The following NAV2 variants were observed in gnomAD, a reference collection of about 807,000 sequenced individuals.
NAV2 encodes the protein neuron navigator 2, also known as helicase, APC down-regulated 1.
Under a neutral mutation model 223.2 loss-of-function variants are expected in NAV2, and 54 were observed. That is an observed-to-expected ratio of 0.24 (90% CI 0.19 to 0.30). The LOEUF (loss-of-function observed/expected upper bound fraction) is 0.30. NAV2 is among the 10% of genes least tolerant of loss of function. The pLI, the probability that NAV2 is intolerant of heterozygous loss-of-function variation, is 1.00. For missense variants in NAV2, 2,806 were observed against 3,147.5 expected (o/e 0.89, Z 2.60); for synonymous variants, 1,279 against 1,239.3 (o/e 1.03, Z -0.67).
chr11:20,061,895 C>A (rs1426085363), intron 19 of NAV2, among the ~76,000 whole-genome samples: 1 of 151,942 alleles, frequency 6.6e-6, no homozygotes, highest in Admixed American at 6.6e-5. Flanking sequence ...CAGTCTTAAC[C>A]CTAAAGGAAT....
intron 1 of NAV2, among the ~76,000 whole-genome samples, chr11:19,379,264 G>A (rs1241175851): frequency 6.6e-6 from 1 of 152,156 alleles, no homozygotes; most frequent in Non-Finnish European, 1.5e-5. Context: ...CTGGTGACTG[G>A]GCGTGGGGTC....
intron 1 of NAV2, among the ~76,000 whole-genome samples, chr11:19,641,778 C>T (rs2047674400): frequency 6.6e-6 from 1 of 152,104 alleles, no homozygotes; most frequent in African/African-American, 2.4e-5. Context: ...TCTGTGCTTA[C>T]CCTGTCCACA....
intron 1 of NAV2, among the ~76,000 whole-genome samples, chr11:19,812,581 A>G (rs971853165): frequency 2.0e-5 from 3 of 152,084 alleles, no homozygotes; most frequent in Non-Finnish European, 4.4e-5. Context: ...AATAATTACA[A>G]GAGTAATGAG....
chr11:19,415,609 C>T (rs1359034430), intron 1 of NAV2, among the ~76,000 whole-genome samples: 2 of 152,182 alleles, frequency 1.3e-5, no homozygotes, highest in African/African-American at 4.8e-5. Flanking sequence ...CCAGCATCAT[C>T]CTGATACCAA....
intron 20 of NAV2, among the ~76,000 whole-genome samples, chr11:20,067,644 A>ATT (rs11371990): frequency 0.021 from 2,744 of 129,198 alleles, 116 homozygotes; most frequent in African/African-American, 0.069. Flanking sequence ...CACCCGGCTA[A>ATT]TTTTTTTTTT....
intron 11 of NAV2, among the ~76,000 whole-genome samples, chr11:19,985,191 GC>G (rs2050672438): frequency 1.3e-5 from 2 of 152,220 alleles, no homozygotes; most frequent in African/African-American, 4.8e-5. Context: ...TTTACAAAGA[GC>G]TAAGTGACTT....
At chr11:20,105,846 A>T in intron 35 of NAV2, 119 bp downstream of exon 35, 1 of 803,284 alleles carries the variant, frequency 1.2e-6, no homozygotes, top group Non-Finnish European at 2.0e-6. Flanking sequence ...GTCCATAAAG[A>T]TAGAAAGTGG....
intron 1 of NAV2, among the ~76,000 whole-genome samples, chr11:19,641,372 T>G (rs2047659138): frequency 6.6e-6 from 1 of 152,048 alleles, no homozygotes; most frequent in Non-Finnish European, 1.5e-5. Flanking sequence ...CCACTGCTAC[T>G]CCCTTAGTCC....
At position 20,120,347 on chromosome 11, in the gene NAV2, G is replaced by A. The variant is rs1221784911; in HGVS notation, c.*2089G>A. The stretch of plus-strand genomic sequence containing the variant: ...GCCTTCATTAGTCATCTGGGTGTGA[G>A]TGTGTCTTGTTCTGTTTTTCTTTTT... On this transcript the variant is annotated 3_prime_UTR_variant, in exon 38 of 38. Coordinates refer to ENST00000349880, the MANE Select transcript of NAV2 (RefSeq NM_145117.5). The A allele has an allele frequency of 1.3e-5, 2 of 152,454 alleles. No homozygotes were observed. Among genetic ancestry groups the A allele is most frequent in the African/African-American group, 4.8e-5 (2 of 41,448 alleles). 9.4% of individuals were successfully genotyped at this position (152,454 alleles called of 1,614,324 possible). A position where few individuals can be genotyped will look rare whatever the true frequency, so the allele number is the denominator to read the frequency against.
At chr11:19,705,889 A>G (rs2049647820) in intron 1 of NAV2, among the ~76,000 whole-genome samples, 1 of 152,136 alleles carries the variant, frequency 6.6e-6, no homozygotes, top group African/African-American at 2.4e-5. Context: ...AACCGCTCCC[A>G]GGAAATGGAA....
chr11:19,492,252 A>G (rs2042654275), intron 1 of NAV2, among the ~76,000 whole-genome samples: 1 of 152,096 alleles, frequency 6.6e-6, no homozygotes, highest in Non-Finnish European at 1.5e-5. Context: ...TTTGCTAGAC[A>G]TAGGGTTGCC....
chr11:19,500,305 C>T (rs2042925291), intron 1 of NAV2, among the ~76,000 whole-genome samples: 1 of 152,166 alleles, frequency 6.6e-6, no homozygotes, highest in African/African-American at 2.4e-5. Context: ...TGAGCTGAGC[C>T]ACAGCCAGCA....
At chr11:19,352,076 T>G (rs1853359404) in intron 1 of NAV2, among the ~76,000 whole-genome samples, 1 of 152,114 alleles carries the variant, frequency 6.6e-6, no homozygotes, top group African/African-American at 2.4e-5. Context: ...ATAAACATTT[T>G]ATAAATATTG....
chr11:19,939,824 C>A, intron 8 of NAV2, 51 bp downstream of exon 8: 2 of 1,328,696 alleles, frequency 1.5e-6, no homozygotes, highest in South Asian at 1.2e-5. Context: ...AGGCCTTCCA[C>A]GCAATACCTG....
intron 1 of NAV2, among the ~76,000 whole-genome samples, chr11:19,610,970 A>G (rs1438215985): frequency 6.6e-6 from 1 of 152,184 alleles, no homozygotes; most frequent in Non-Finnish European, 1.5e-5. Context: ...GGACTGTATT[A>G]GTCTGTTTTC....
At chr11:20,081,202 G>A (rs528253234) in intron 25 of NAV2, among the ~76,000 whole-genome samples, 1 of 152,256 alleles carries the variant, frequency 6.6e-6, no homozygotes, top group South Asian at 2.1e-4. Context: ...AGCCAGTCTA[G>A]TGTGACCCTC....
intron 1 of NAV2, among the ~76,000 whole-genome samples, chr11:19,685,568 A>C (rs2049000763): frequency 6.6e-6 from 1 of 152,162 alleles, no homozygotes; most frequent in Non-Finnish European, 1.5e-5. Context: ...TTCTGCAAAG[A>C]TGAATTTAGT....
intron 37 of NAV2, among the ~76,000 whole-genome samples, chr11:20,115,129 C>A (rs2062949163): frequency 6.8e-6 from 1 of 146,832 alleles, no homozygotes. Context: ...TTACTTTGAT[C>A]TCTCCTACCG....
At chr11:19,839,828 A>G (rs1424985402) in intron 2 of NAV2, among the ~76,000 whole-genome samples, 1 of 152,252 alleles carries the variant, frequency 6.6e-6, no homozygotes, top group African/African-American at 2.4e-5. Flanking sequence ...GGGCTAAGAA[A>G]GTCTTGAATA....
Sources: allele counts gnomAD v4.1 joint callset (sites outside exome capture counted in the v4.1 genomes callset), GRCh38; gene constraint gnomAD v4.1.1; transcripts MANE v1.5; gene names NCBI Gene and HGNC (gene_info 2026-07-23, HGNC 2026-07-21).